The following PI4KA variants were observed in gnomAD, a reference collection of about 807,000 sequenced individuals.
The protein encoded by PI4KA is phosphatidylinositol 4-kinase alpha.
Under a neutral mutation model 271.4 loss-of-function variants are expected in PI4KA, and 122 were observed. That is an observed-to-expected ratio of 0.45 (90% confidence interval 0.39 to 0.52). The LOEUF is 0.52. Ranked by LOEUF, PI4KA falls within the 20% of genes least tolerant of loss-of-function variation. The probability of loss-of-function intolerance (pLI) is 0.00; values close to 1 mark genes in which losing one functional copy is unlikely to be tolerated. For missense variants in PI4KA, 1,969 were observed against 2,769.1 expected, an observed-to-expected ratio of 0.71 and a Z score of 6.48; for synonymous variants, 1,041 against 1,078.8, an observed-to-expected ratio of 0.96 and a Z score of 0.69.
intron 1 of PI4KA, among the ~76,000 whole-genome samples, chr22:20,839,104 C>A (rs992093630): frequency 6.6e-6 from 1 of 152,144 alleles, no homozygotes; most frequent in Admixed American, 6.5e-5. Flanking sequence ...ATCGTCCCAG[C>A]TACTTGGGAG....
rs1569046552 is a variant in PI4KA at position 20,799,141 on chromosome 22, G to GA, written c.1955dup (p.Asp653ArgfsTer6). On this transcript the variant is annotated frameshift_variant, in exon 16 of 55. Coordinates refer to ENST00000255882, the MANE Select transcript of PI4KA (RefSeq NM_058004.4). LOFTEE classifies it high-confidence loss of function. ...CCAGCTGGTCAATAATCAGCACATCGAGGGGGGAGGGTGGCTGGCAGAATT... is the reference window on the plus strand; with the variant it reads ...CCAGCTGGTCAATAATCAGCACATCGAAGGGGGGAGGGTGGCTGGCAGAATT... 1 of 1,613,206 alleles carries GA rather than the reference G, an allele frequency of 6.2e-7. No individual in the cohort carries two copies. Among genetic ancestry groups the GA allele is most frequent in the Admixed American group, 1.7e-5 (1 of 59,854 alleles).
chr22:20,733,089 T>C lies in PI4KA; in HGVS notation c.4170A>G (p.Pro1390=), dbSNP rs758862054. The part of the protein sequence containing the change: ...STAFDYFSCP[P]KFPTQGEKRL... ...GCTTCTCTCCTTGAGTAGGGAACTT[T>C]GGGGGACAGCTTCAAACAACCATAA... is the stretch of plus-strand genomic sequence containing the variant. The change falls in exon 36 of 55, where the codon CCA becomes CCG. Residue 1390 remains proline, a synonymous_variant. Transcript: ENST00000255882. The C allele has an allele frequency of 4.4e-5, 71 of 1,611,864 alleles. 1 individual carries two copies. The South Asian group carries it at 7.4e-4, about 17-fold the overall frequency.
At chr22:20,741,734 C>T (rs1212865425) in intron 32 of PI4KA, among the ~76,000 whole-genome samples, 2 of 152,102 alleles carry the variant, frequency 1.3e-5, no homozygotes, top group Admixed American at 6.5e-5. Context: ...TCCCTGCTAC[C>T]CTGACAGTTA....
intron 19 of PI4KA, among the ~76,000 whole-genome samples, chr22:20,789,529 C>T (rs1014388974): frequency 1.6e-4 from 25 of 152,264 alleles, no homozygotes; most frequent in South Asian, 6.2e-4. Context: ...GAGGTTTCAC[C>T]ATGTTGGACA....
chr22:20,716,103 C>T (rs553612765), intron 45 of PI4KA, among the ~76,000 whole-genome samples: 4 of 151,958 alleles, frequency 2.6e-5, no homozygotes, highest in South Asian at 2.1e-4. Context: ...CAGGCTGGAG[C>T]GCAGTGGCGC....
rs938988934 is a variant in PI4KA at position 20,811,149 on chromosome 22, G to C, written c.1006-117C>G. The stretch of plus-strand genomic sequence containing the variant: ...TGGTGAAAAATGTGATGCAGATAAA[G>C]GCCAATAAATACAAATTATGGCTAT... On this transcript the variant is annotated intron_variant, in intron 8 of 54. Coordinates refer to ENST00000255882, the MANE Select transcript of PI4KA (RefSeq NM_058004.4). 9 of 772,548 alleles carry C rather than the reference G, an allele frequency of 1.2e-5. No homozygotes were observed. The African/African-American group carries it at 1.5e-4, about 13-fold the overall frequency. 47.9% of individuals were successfully genotyped at this position (772,548 alleles called of 1,614,324 possible).
intron 44 of PI4KA, among the ~76,000 whole-genome samples, chr22:20,718,230 T>C (rs1473752399): frequency 6.6e-6 from 1 of 152,126 alleles, no homozygotes; most frequent in Non-Finnish European, 1.5e-5. Flanking sequence ...ACTCCAGGGT[T>C]TCATCCCTTA....
At chr22:20,852,410 C>G (rs1246210341) in intron 1 of PI4KA, among the ~76,000 whole-genome samples, 5 of 152,174 alleles carry the variant, frequency 3.3e-5, no homozygotes, top group Admixed American at 3.3e-4. Context: ...CGGAAGAAAT[C>G]AACATTGCTG....
intron 50 of PI4KA, 108 bp downstream of exon 50, chr22:20,712,378 A>C (rs1273484938): frequency 7.1e-6 from 11 of 1,553,944 alleles, no homozygotes; most frequent in Non-Finnish European, 8.7e-6. Flanking sequence ...TTTAACCCTT[A>C]ACAAAGGATG....
intron 19 of PI4KA, among the ~76,000 whole-genome samples, chr22:20,785,232 G>A (rs1277214513): frequency 6.6e-6 from 1 of 152,002 alleles, no homozygotes; most frequent in Non-Finnish European, 1.5e-5. Context: ...TTCATGCCCA[G>A]CTAATTAAAC....
At chr22:20,801,756 C>A (rs1286960224) in intron 14 of PI4KA, among the ~76,000 whole-genome samples, 1 of 144,120 alleles carries the variant, frequency 6.9e-6, no homozygotes, top group Non-Finnish European at 1.5e-5. Context: ...TGGTGGTGGG[C>A]GCCTGTAATC....
intron 19 of PI4KA, chr22:20,786,789 T>G: frequency 7.5e-7 from 1 of 1,339,574 alleles, no homozygotes; most frequent in Non-Finnish European, 1.1e-6. Flanking sequence ...TTTGGATCCT[T>G]TCCCTGAATG....
chr22:20,749,340 T>C (rs1378702768), intron 28 of PI4KA, among the ~76,000 whole-genome samples: 1 of 152,262 alleles, frequency 6.6e-6, no homozygotes, highest in Non-Finnish European at 1.5e-5. Flanking sequence ...ATTTTTCTCA[T>C]CTTTGATTCC....
At position 20,785,961 on chromosome 22, in the gene PI4KA, T is replaced by C. The variant is rs150649622; in HGVS notation, c.2328+7232A>G. The C allele has an allele frequency of 1.1e-5, 18 of 1,613,852 alleles. No homozygotes were observed. In the East Asian group the frequency reaches 4.0e-4, roughly 36 times the overall value. On this transcript the variant is annotated intron_variant, in intron 19 of 54. Transcript: ENST00000255882. ...GGAAAATCATGATTCTTTTGTAACT[T>C]GTGGTTCAATAAAACTGGGCCCCCC...
chr22:20,726,115 T>C (rs1419133187), intron 42 of PI4KA, among the ~76,000 whole-genome samples: 1 of 152,216 alleles, frequency 6.6e-6, no homozygotes, highest in African/African-American at 2.4e-5. Flanking sequence ...TATGCAGCCC[T>C]GGCAGACTAA....
At chr22:20,726,625 C>T in intron 41 of PI4KA, 84 bp from the exon 42 acceptor site, 1 of 1,246,638 alleles carries the variant, frequency 8.0e-7, no homozygotes, top group Non-Finnish European at 1.1e-6. Flanking sequence ...TCTGCTTCTG[C>T]TCTGCCCACA....
intron 1 of PI4KA, among the ~76,000 whole-genome samples, chr22:20,851,968 C>CA (rs1389114694): frequency 6.6e-6 from 1 of 151,904 alleles, no homozygotes; most frequent in Non-Finnish European, 1.5e-5. Context: ...ACTAAAAATA[C>CA]AAAAAATTAG....
At chr22:20,817,829 A>T (rs1049031114) in intron 7 of PI4KA, among the ~76,000 whole-genome samples, 3 of 147,208 alleles carry the variant, frequency 2.0e-5, no homozygotes, top group African/African-American at 5.0e-5. Context: ...TAATGTCATT[A>T]AAAAAAAATG....
Position 20,751,694 on chromosome 22 carries a change from G to C in PI4KA, c.3049C>G (p.Leu1017Val), listed in dbSNP as rs777732477. 3.7e-6 allele frequency: 6 copies of C among 1,614,090 alleles called. No individual in the cohort carries two copies. In the South Asian group the frequency reaches 5.5e-5, roughly 15 times the overall value. The change falls in exon 26 of 55, where the codon CTG becomes GTG. Residue 1017 changes from leucine (L) to valine (V), a missense_variant. Coordinates refer to ENST00000255882, the MANE Select transcript of PI4KA (RefSeq NM_058004.4). The part of the protein sequence containing the change: ...LKTMLDILQT[L>V]SLSLSADIHK... ...CTCACAGCGCTCAGTGACAGTGACA[G>C]GGTCTGCAGGATGTCCAGCATGGTC...
Sources: gnomAD v4.1 joint callset for allele counts (sites outside exome capture counted in the v4.1 genomes callset) on GRCh38, gnomAD v4.1.1 for gene constraint, MANE v1.5 for transcripts, NCBI Gene and HGNC (gene_info 2026-07-23, HGNC 2026-07-21) for gene names.